VPS13B: variants seen among roughly 807,000 people sequenced by gnomAD.
VPS13B encodes vacuolar protein sorting 13 homolog B.
Under a neutral mutation model 426.4 loss-of-function variants are expected in VPS13B, and 285 were observed. That is an observed-to-expected ratio of 0.67 (90% CI 0.61 to 0.74). The LOEUF (loss-of-function observed/expected upper bound fraction) is 0.74, where lower values mean the gene tolerates loss of function less well. Ranked by LOEUF, VPS13B falls within the 30% of genes least tolerant of loss-of-function variation. The pLI is 0.00. For synonymous variants in VPS13B, 1,676 were observed against 1,676.4 expected (o/e 1.00, Z 0.01); for missense variants, 4,537 against 4,782.6 (o/e 0.95, Z 1.51).
At chr8:99,853,398 GAGAA>G in intron 55 of VPS13B, 49 bp from the exon 56 acceptor site, 1 of 1,589,828 alleles carries the variant, frequency 6.3e-7, no homozygotes, top group African/African-American at 1.3e-5. Context: ...AGAAAGAAGA[GAGAA>G]AGAAAAGGTG....
At chr8:99,507,240 T>C in intron 28 of VPS13B, 37 bp downstream of exon 28, 1 of 1,589,526 alleles carries the variant, frequency 6.3e-7, no homozygotes. Flanking sequence ...TTTGAAAATG[T>C]ACTTTAAACT....
intron 19 of VPS13B, among the ~76,000 whole-genome samples, chr8:99,365,516 CTT>C (rs1554754985): frequency 2.0e-5 from 2 of 102,388 alleles, no homozygotes; most frequent in Admixed American, 1.1e-4. Flanking sequence ...TCTTCTTCTT[CTT>C]TTTTTTTTTT....
chr8:99,601,929 T>C (rs1827319436), intron 33 of VPS13B, among the ~76,000 whole-genome samples: 2 of 152,248 alleles, frequency 1.3e-5, no homozygotes, highest in African/African-American at 4.8e-5. Flanking sequence ...GCAAGAAATT[T>C]CTTCTATTCT....
At chr8:99,506,286 TG>T (rs1227719465) in intron 27 of VPS13B, among the ~76,000 whole-genome samples, 1 of 152,214 alleles carries the variant, frequency 6.6e-6, no homozygotes, top group East Asian at 1.9e-4. Flanking sequence ...ACTTATTAAT[TG>T]GCTTTTGATA....
At chr8:99,831,613 G>C (rs911831305) in intron 51 of VPS13B, among the ~76,000 whole-genome samples, 4 of 152,068 alleles carry the variant, frequency 2.6e-5, no homozygotes, top group African/African-American at 9.7e-5. Flanking sequence ...AGGTTCCATA[G>C]TTATGGATTC....
intron 33 of VPS13B, among the ~76,000 whole-genome samples, chr8:99,582,821 A>G (rs1024511343): frequency 2.0e-5 from 3 of 151,992 alleles, no homozygotes; most frequent in African/African-American, 7.3e-5. Context: ...ACGCCCGGCT[A>G]ATTTTTTGTA....
At chr8:99,073,801 ACT>A (rs1386391262) in intron 3 of VPS13B, among the ~76,000 whole-genome samples, 1 of 135,316 alleles carries the variant, frequency 7.4e-6, no homozygotes, top group African/African-American at 2.8e-5. Flanking sequence ...ATAAAGTTTC[ACT>A]CTGTTTCCCC....
intron 16 of VPS13B, among the ~76,000 whole-genome samples, chr8:99,185,929 T>C (rs1813197221): frequency 6.6e-6 from 1 of 152,158 alleles, no homozygotes; most frequent in African/African-American, 2.4e-5. Context: ...TAGGCCATAT[T>C]CATTTTTAGT....
chr8:99,575,900 A>G, intron 32 of VPS13B, 116 bp downstream of exon 32: 1 of 1,001,372 alleles, frequency 1.0e-6, no homozygotes, highest in Non-Finnish European at 1.5e-6. Flanking sequence ...ATTAATAATA[A>G]TGGCTACTAT....
intron 43 of VPS13B, among the ~76,000 whole-genome samples, chr8:99,807,893 C>G (rs190597074): frequency 7.0e-6 from 1 of 141,892 alleles, no homozygotes; most frequent in African/African-American, 2.6e-5. Context: ...AAAAAAAAAG[C>G]CCTATCTTAA....
chr8:99,393,119 A>G (rs1814531884), intron 21 of VPS13B, among the ~76,000 whole-genome samples: 2 of 152,104 alleles, frequency 1.3e-5, no homozygotes, highest in African/African-American at 4.8e-5. Flanking sequence ...TGTAAACCAT[A>G]TATTTAAAAT....
intron 36 of VPS13B, among the ~76,000 whole-genome samples, chr8:99,706,285 G>A (rs534224566): frequency 6.6e-6 from 1 of 152,276 alleles, no homozygotes; most frequent in South Asian, 2.1e-4. Flanking sequence ...AGCAGCCGGG[G>A]TAGCTGAATG....
intron 33 of VPS13B, among the ~76,000 whole-genome samples, chr8:99,584,530 G>A (rs147878794): frequency 9.3e-4 from 141 of 152,316 alleles, no homozygotes; most frequent in African/African-American, 3.3e-3. Context: ...CAGTCTGACA[G>A]AGGTTTGAAA....
chr8:99,875,292 G>A (rs1261610146), intron 61 of VPS13B, 126 bp from the exon 62 acceptor site: 2 of 1,322,128 alleles, frequency 1.5e-6, no homozygotes, highest in East Asian at 2.3e-5. Flanking sequence ...AAACATTCTG[G>A]ATTAATGGCT....
chr8:99,165,772 T>G (rs560005688), intron 15 of VPS13B, among the ~76,000 whole-genome samples: 1 of 152,310 alleles, frequency 6.6e-6, no homozygotes, highest in African/African-American at 2.4e-5. Context: ...CAATTTTCAG[T>G]GTATACCCTC....
intron 3 of VPS13B, chr8:99,091,885 T>C (rs1286135358): frequency 1.3e-5 from 2 of 152,360 alleles, no homozygotes; most frequent in East Asian, 3.9e-4. Flanking sequence ...CGAAGTTTGG[T>C]GCCACAGGGT....
At chr8:99,202,362 T>A (rs1203085400) in intron 17 of VPS13B, among the ~76,000 whole-genome samples, 2 of 152,188 alleles carry the variant, frequency 1.3e-5, no homozygotes, top group Non-Finnish European at 2.9e-5. Flanking sequence ...AAATGTATGA[T>A]GAATAAATAT....
chr8:99,437,489 A>C (rs1817444765), intron 22 of VPS13B, among the ~76,000 whole-genome samples: 1 of 151,914 alleles, frequency 6.6e-6, no homozygotes, highest in Non-Finnish European at 1.5e-5. Flanking sequence ...AGTCCTCGGC[A>C]GGCAGACGAC....
chr8:99,472,622 A>G (rs1448206229), intron 24 of VPS13B, among the ~76,000 whole-genome samples: 1 of 151,984 alleles, frequency 6.6e-6, no homozygotes, highest in East Asian at 1.9e-4. Flanking sequence ...AATTTTAGAA[A>G]GCTAAGAAAA....
Sources: allele counts gnomAD v4.1 joint callset (sites outside exome capture counted in the v4.1 genomes callset), GRCh38; gene constraint gnomAD v4.1.1; transcripts MANE v1.5; gene names NCBI Gene and HGNC (gene_info 2026-07-23, HGNC 2026-07-21).